EPHA6: variants seen among roughly 807,000 people sequenced by gnomAD.
EPHA6 encodes ephrin type-A receptor 6.
In EPHA6, 50 loss-of-function variants were observed where a neutral mutation model predicts 112.0. That is an observed-to-expected ratio of 0.45 (90% confidence interval 0.36 to 0.56). EPHA6 has a LOEUF of 0.56. Ranked by LOEUF, EPHA6 falls within the 20% of genes least tolerant of loss-of-function variation. EPHA6 has a pLI of 0.00. For missense variants in EPHA6, 1,280 were observed against 1,417.4 expected, an observed-to-expected ratio of 0.90 and a Z score of 1.56; for synonymous variants, 529 against 490.7, an observed-to-expected ratio of 1.08 and a Z score of -1.03.
chr3:96,862,283 A>G (rs1273483063), intron 1 of EPHA6, among the ~76,000 whole-genome samples: 5 of 151,944 alleles, frequency 3.3e-5, no homozygotes, highest in Non-Finnish European at 7.4e-5. Context: ...TTAGTGGAAC[A>G]TAGAACCATC....
chr3:97,613,765 A>C (rs956893268), intron 13 of EPHA6, among the ~76,000 whole-genome samples: 3 of 152,212 alleles, frequency 2.0e-5, no homozygotes, highest in Non-Finnish European at 4.4e-5. Context: ...GCTGCCCAGA[A>C]GGCACAACTT....
intron 6 of EPHA6, among the ~76,000 whole-genome samples, chr3:97,407,347 AACACACACACACAC>A (rs34259097): frequency 2.0e-5 from 3 of 147,282 alleles, no homozygotes; most frequent in Non-Finnish European, 4.5e-5. Context: ...ACTGAAATTA[AACACACACACACAC>A]ACACACACAC....
intron 4 of EPHA6, 64 bp downstream of exon 4, chr3:97,226,483 A>G: frequency 7.0e-7 from 1 of 1,423,624 alleles, no homozygotes; most frequent in Non-Finnish European, 9.5e-7. Flanking sequence ...TTCATTCTAA[A>G]TTTAAAAAAT....
intron 13 of EPHA6, among the ~76,000 whole-genome samples, chr3:97,612,030 G>A (rs2093724649): frequency 6.6e-6 from 1 of 152,014 alleles, no homozygotes; most frequent in Non-Finnish European, 1.5e-5. Context: ...TGCTGCTCGT[G>A]CAGTGTATAC....
At chr3:97,007,431 C>CTTT (rs61260971) in intron 3 of EPHA6, among the ~76,000 whole-genome samples, 1 of 146,438 alleles carries the variant, frequency 6.8e-6, no homozygotes, top group African/African-American at 2.5e-5. Flanking sequence ...GCGGTCCCTG[C>CTTT]TTTTTTTTTT....
rs1207780753 is a variant in EPHA6, at chr3:97,754,771, TC to T, written c.*6071del. ...TAGGCTGGAGTGCAGTGGCGAGATC[TC>T]GGCTCACTGCTAACTCCGCCTCCCG... On this transcript the variant is annotated 3_prime_UTR_variant, in exon 18 of 18. Transcript: ENST00000389672. Among the ~76,000 whole-genome samples, 1 of 152,200 alleles carries T rather than the reference TC, an allele frequency of 6.6e-6. No homozygotes were observed.
At chr3:97,519,742 T>C (rs1304858990) in intron 10 of EPHA6, among the ~76,000 whole-genome samples, 2 of 152,162 alleles carry the variant, frequency 1.3e-5, no homozygotes, top group Non-Finnish European at 2.9e-5. Context: ...ACATTTTAGC[T>C]TTTGAAATTA....
intron 11 of EPHA6, among the ~76,000 whole-genome samples, chr3:97,577,783 T>A (rs1203059300): frequency 6.6e-6 from 1 of 152,230 alleles, no homozygotes; most frequent in African/African-American, 2.4e-5. Flanking sequence ...CTTAATCTTA[T>A]CTTTTCCGGT....
At chr3:96,880,226 C>T (rs1452723456) in intron 2 of EPHA6, among the ~76,000 whole-genome samples, 1 of 152,026 alleles carries the variant, frequency 6.6e-6, no homozygotes, top group African/African-American at 2.4e-5. Context: ...ATAATGTATA[C>T]ATGTATCAAA....
chr3:97,550,792 A>T (rs4857271), intron 11 of EPHA6, among the ~76,000 whole-genome samples: 25,622 of 152,024 alleles, frequency 0.17, 2,552 homozygotes, highest in Admixed American at 0.26. Context: ...TATTTTATTT[A>T]TCTTGGTCCC....
At chr3:97,597,509 C>G (rs1385594654) in intron 12 of EPHA6, among the ~76,000 whole-genome samples, 2 of 152,120 alleles carry the variant, frequency 1.3e-5, no homozygotes, top group African/African-American at 4.8e-5. Flanking sequence ...TACTCAAATA[C>G]CAAGCATTTT....
intron 1 of EPHA6, among the ~76,000 whole-genome samples, chr3:96,862,355 C>A (rs1244966943): frequency 6.6e-6 from 1 of 151,792 alleles, no homozygotes; most frequent in Non-Finnish European, 1.5e-5. Flanking sequence ...TAACTCAGAA[C>A]CTTAAGCTGG....
In EPHA6 at chr3:97,208,581, A is replaced by T. The variant is rs2077777648; in HGVS notation, c.1115-17683A>T. Among the ~76,000 whole-genome samples the T allele has an allele frequency of 2.0e-5, 3 of 152,010 alleles. No individual in the cohort carries two copies. In the South Asian group the frequency reaches 6.2e-4, roughly 32 times the overall value. The stretch of plus-strand genomic sequence containing the variant: ...GGCAACATGGTGAAACCCCGTCTCT[A>T]CTAAAATACAAAAAAAATAGCTGGA... On this transcript the variant is annotated intron_variant, in intron 3 of 17. Coordinates refer to ENST00000389672, the MANE Select transcript of EPHA6 (RefSeq NM_001080448.3).
At chr3:96,932,097 G>C (rs1234117964) in intron 2 of EPHA6, among the ~76,000 whole-genome samples, 1 of 152,142 alleles carries the variant, frequency 6.6e-6, no homozygotes, top group East Asian at 1.9e-4. Context: ...TGCCTCCCTT[G>C]GTTGGGGGTG....
chr3:97,143,781 A>C (rs1354919748), intron 3 of EPHA6, among the ~76,000 whole-genome samples: 1 of 151,736 alleles, frequency 6.6e-6, no homozygotes, highest in African/African-American at 2.4e-5. Context: ...CAACCCAATA[A>C]CAAACAGAGG....
rs545786825 is a variant in EPHA6, at chr3:97,466,390, AT to A, written c.1895-8958del. ...ATCAGCATTTACATCCAGTCTAATT[AT>A]TTTCTCTTGGTTCATTATATTCCAT... On this transcript the variant is annotated intron_variant, in intron 7 of 17. Coordinates refer to ENST00000389672, the MANE Select transcript of EPHA6 (RefSeq NM_001080448.3). The A allele has an allele frequency of 1.2e-3, 1,963 of 1,609,180 alleles. 48 individuals are homozygous for A. In the Admixed American group the frequency reaches 0.032, roughly 26 times the overall value.
intron 11 of EPHA6, among the ~76,000 whole-genome samples, chr3:97,565,802 A>G (rs544567780): frequency 1.3e-5 from 2 of 151,996 alleles, no homozygotes; most frequent in Non-Finnish European, 2.9e-5. Context: ...GTGGATCACA[A>G]GGTCAAGAGA....
intron 6 of EPHA6, among the ~76,000 whole-genome samples, chr3:97,417,369 T>C (rs2088211408): frequency 6.6e-6 from 1 of 152,080 alleles, no homozygotes; most frequent in Admixed American, 6.6e-5. Context: ...AATAAATGAT[T>C]GTATGAATGA....
chr3:96,893,227 C>T (rs974592477), intron 2 of EPHA6, among the ~76,000 whole-genome samples: 2 of 152,062 alleles, frequency 1.3e-5, no homozygotes, highest in African/African-American at 2.4e-5. Context: ...AATACTTGAA[C>T]ATTATAAATG....
Sources: gnomAD v4.1 joint callset for allele counts (sites outside exome capture counted in the v4.1 genomes callset) on GRCh38, gnomAD v4.1.1 for gene constraint, MANE v1.5 for transcripts, NCBI Gene and HGNC (gene_info 2026-07-23, HGNC 2026-07-21) for gene names.